SPTA1: variants seen among roughly 807,000 people sequenced by gnomAD.
The protein encoded by SPTA1 is spectrin alpha, erythrocytic 1.
In SPTA1, 177 loss-of-function variants were observed where a neutral mutation model predicts 324.7. The observed-to-expected ratio is 0.55, with a 90% CI of 0.48 to 0.62. The LOEUF (loss-of-function observed/expected upper bound fraction) is 0.62, where lower values mean the gene tolerates loss of function less well. Ranked by LOEUF, SPTA1 falls within the 20% of genes least tolerant of loss-of-function variation. SPTA1 has a pLI of 0.00. For synonymous variants in SPTA1, 1,195 were observed against 1,041.3 expected, an observed-to-expected ratio of 1.15 and a Z score of -2.84; for missense variants, 3,162 against 2,883.6, an observed-to-expected ratio of 1.10 and a Z score of -2.21.
At chr1:158,615,460 C>A in intron 47 of SPTA1, 57 bp from the exon 48 acceptor site, 1 of 1,561,594 alleles carries the variant, frequency 6.4e-7, no homozygotes, top group Non-Finnish European at 8.8e-7. Flanking sequence ...AGCTCAAAAC[C>A]TAGAGGTGGA....
At chr1:158,672,259 G>A in intron 10 of SPTA1, 63 bp from the exon 11 acceptor site, 2 of 1,493,570 alleles carry the variant, frequency 1.3e-6, no homozygotes, top group South Asian at 1.2e-5. Flanking sequence ...TATATTTATT[G>A]AGCATATAAT....
intron 39 of SPTA1, among the ~76,000 whole-genome samples, chr1:158,632,233 A>G (rs867303151): frequency 1.2e-4 from 19 of 152,210 alleles, no homozygotes; most frequent in African/African-American, 4.6e-4. Flanking sequence ...TATATGAGGT[A>G]GACAAATTTA....
intron 42 of SPTA1, among the ~76,000 whole-genome samples, chr1:158,623,479 C>T (rs1344524214): frequency 6.6e-6 from 1 of 152,124 alleles, no homozygotes; most frequent in Non-Finnish European, 1.5e-5. Context: ...CCCATAGTCC[C>T]CATGTGTCAT....
At chr1:158,624,839 A>T (rs1193214874) in intron 42 of SPTA1, among the ~76,000 whole-genome samples, 1 of 152,242 alleles carries the variant, frequency 6.6e-6, no homozygotes, top group Non-Finnish European at 1.5e-5. Context: ...TAGTGACACA[A>T]TGCTGACTTC....
chr1:158,683,078 G>T (rs2101950616), intron 3 of SPTA1, among the ~76,000 whole-genome samples: 1 of 152,262 alleles, frequency 6.6e-6, no homozygotes, highest in Non-Finnish European at 1.5e-5. Context: ...AAAACTAATT[G>T]ATCTGGATAA....
Position 158,644,297 on chromosome 1 carries a change from A to C in SPTA1, c.4294T>G (p.Leu1432Val). The C allele has an allele frequency of 6.2e-7, 1 of 1,613,926 alleles. No individual in the cohort carries two copies. Among genetic ancestry groups the C allele is most frequent in the Non-Finnish European group, 8.5e-7 (1 of 1,179,908 alleles). The change falls in exon 30 of 52, where the codon TTG becomes GTG. Residue 1432 changes from leucine to valine, a missense_variant. By Grantham distance (32) the Leu-to-Val change is conservative. Transcript: ENST00000643759. ...TCCAAATCGTCCCGTTTCTTCATCA[A>C]AGCCTCCAGACTGTCTAAGGAACTT... is the stretch of plus-strand genomic sequence containing the variant. The part of the protein sequence containing the change: ...DKSSLDSLEA[L>V]MKKRDDLDKA...
chr1:158,637,937 C>A, intron 36 of SPTA1, 96 bp downstream of exon 36: 1 of 1,391,956 alleles, frequency 7.2e-7, no homozygotes, highest in South Asian at 1.2e-5. Flanking sequence ...CTTCAAGAAA[C>A]AAGTACAAAT....
At position 158,673,277 on chromosome 1, in the gene SPTA1, C is replaced by T. The variant is rs532938559; in HGVS notation, c.1350+1052G>A. ...CAGAGTTCTGGGAGAATTCAAAACT[C>T]GGTTATCTCAACCTCATCCACTGCA... On this transcript the variant is annotated intron_variant, in intron 10 of 51. Coordinates refer to ENST00000643759, the MANE Select transcript of SPTA1 (RefSeq NM_003126.4). 6.5e-4 allele frequency among the ~76,000 whole-genome samples: 99 copies of T among 152,240 alleles called. 1 individual carries two copies. The highest frequency in any genetic ancestry group is 2.0e-3 in the African/African-American group (85 of 41,532).
intron 50 of SPTA1, 30 bp downstream of exon 50, chr1:158,613,691 C>G: frequency 6.2e-7 from 1 of 1,613,438 alleles, no homozygotes; most frequent in Non-Finnish European, 8.5e-7. Flanking sequence ...CCCATCCCTG[C>G]TGCGGTCTGA....
At chr1:158,676,356 C>T (rs1654395202) in intron 7 of SPTA1, 61 bp from the exon 8 acceptor site, 1 of 1,581,260 alleles carries the variant, frequency 6.3e-7, no homozygotes. Context: ...CCTGGCAAAG[C>T]TTTGTGGGAG....
At position 158,623,077 on chromosome 1, in the gene SPTA1, C is replaced by T. The variant is rs188580757; in HGVS notation, c.6026G>A (p.Arg2009His). 241 of 1,614,190 alleles carry T rather than the reference C, an allele frequency of 1.5e-4. No homozygotes were observed. The Middle Eastern group carries it at 1.6e-3, about 11-fold the overall frequency. The part of the protein sequence containing the change: ...QHNQSKAIEE[R>H]YAALLKRWEQ... Reference sequence around the variant, plus strand: ...CCAGCGCTTCAGCAGAGCGGCATAACGCTCTTCAATGGCTTTAGACTGGTT... The same window carrying T: ...CCAGCGCTTCAGCAGAGCGGCATAATGCTCTTCAATGGCTTTAGACTGGTT... Residue 2009 changes from arginine to histidine, a missense_variant, in exon 43 of 52, where the codon CGT becomes CAT. Physicochemically the swap from Arg to His is conservative, Grantham distance 29 (BLOSUM62 0). Coordinates refer to ENST00000643759, the MANE Select transcript of SPTA1 (RefSeq NM_003126.4).
rs1181833025 is a variant in SPTA1, at chr1:158,651,242, C to T, written c.3477+125G>A. On this transcript the variant is annotated intron_variant, in intron 24 of 51. Coordinates refer to ENST00000643759, the MANE Select transcript of SPTA1 (RefSeq NM_003126.4). ...CTTTGGCCTTTCCTGTAGCTAATTC[C>T]ATACTGCTGTTACCTTCTGCATGTT... The T allele has an allele frequency of 1.2e-5, 9 of 743,454 alleles. No individual in the cohort carries two copies. In the Admixed American group the frequency reaches 1.3e-4, roughly 11 times the overall value. 46.1% of individuals were successfully genotyped at this position (743,454 alleles called of 1,614,324 possible).
At position 158,678,660 on chromosome 1, in the gene SPTA1, A is replaced by T. The variant is rs147976937; in HGVS notation, c.679-126T>A. The T allele has an allele frequency of 1.3e-3, 1,578 of 1,201,656 alleles. 33 individuals are homozygous for T. In the East Asian group the frequency reaches 0.036, roughly 28 times the overall value. 74.4% of individuals were successfully genotyped at this position (1,201,656 alleles called of 1,614,324 possible). ...AGTGAAAACTGACCATTGTAGCCAG[A>T]CACTGAACTTCATCATAGCCCTCCT... On this transcript the variant is annotated intron_variant, in intron 5 of 51. Transcript: ENST00000643759.
chr1:158,646,525 A>G (rs1652011576), intron 27 of SPTA1, among the ~76,000 whole-genome samples: 1 of 152,194 alleles, frequency 6.6e-6, no homozygotes, highest in African/African-American at 2.4e-5. Context: ...CATAGGCACT[A>G]ATAGCAATTA....
At chr1:158,616,744 T>C (rs1400836175) in intron 47 of SPTA1, among the ~76,000 whole-genome samples, 1 of 152,204 alleles carries the variant, frequency 6.6e-6, no homozygotes, top group East Asian at 1.9e-4. Flanking sequence ...ATTTCTTTGA[T>C]ATATTAATTT....
In SPTA1 at chr1:158,620,457, G is replaced by A. The variant is rs1649835753; in HGVS notation, c.6130C>T (p.Leu2044=). Reference sequence around the variant, plus strand: ...GCCTTATGTGCAAATTCCACGAACAGGTCCTCAGCCTGCAGAGAGAAAAAA... The same window carrying A: ...GCCTTATGTGCAAATTCCACGAACAAGTCCTCAGCCTGCAGAGAGAAAAAA... ...KQLPLQKAED[L]FVEFAHKASA... Residue 2044 remains leucine (L), a synonymous_variant, in exon 44 of 52, where the codon CTG becomes TTG. Coordinates refer to ENST00000643759, the MANE Select transcript of SPTA1 (RefSeq NM_003126.4). The A allele has an allele frequency of 2.5e-6, 4 of 1,612,664 alleles. No homozygotes were observed. Among genetic ancestry groups the A allele is most frequent in the Non-Finnish European group, 3.4e-6 (4 of 1,180,012 alleles).
intron 6 of SPTA1, 127 bp from the exon 7 acceptor site, chr1:158,677,961 C>T (rs1571523521): frequency 8.5e-7 from 1 of 1,179,364 alleles, no homozygotes. Context: ...TTCCTACATA[C>T]TAGCAAAAAG....
chr1:158,661,549 C>A, intron 17 of SPTA1, 140 bp from the exon 18 acceptor site: 10 of 1,104,374 alleles, frequency 9.1e-6, no homozygotes, highest in Non-Finnish European at 1.3e-5. Flanking sequence ...AAATTTATAT[C>A]ATCTGTCTGA....
At chr1:158,617,325 A>G (rs1246496737) in intron 47 of SPTA1, among the ~76,000 whole-genome samples, 1 of 152,168 alleles carries the variant, frequency 6.6e-6, no homozygotes, top group East Asian at 1.9e-4. Flanking sequence ...GTGACTCTAC[A>G]ATGGGTACTA....
Sources: gnomAD v4.1 joint callset for allele counts (sites outside exome capture counted in the v4.1 genomes callset) on GRCh38, gnomAD v4.1.1 for gene constraint, MANE v1.5 for transcripts, NCBI Gene and HGNC (gene_info 2026-07-23, HGNC 2026-07-21) for gene names.